CDK14: variants seen among roughly 807,000 people sequenced by gnomAD.
CDK14 encodes cyclin dependent kinase 14, also known as cyclin-dependent kinase 14.
In CDK14, 34 loss-of-function variants were observed where a neutral mutation model predicts 60.7. That is an observed-to-expected ratio of 0.56 (90% CI 0.43 to 0.75). CDK14 has a LOEUF of 0.75. Among genes scored for constraint, CDK14 ranks in the 30% least tolerant of loss-of-function variants. The pLI is 0.00. For synonymous variants in CDK14, 197 were observed against 203.7 expected (o/e 0.97, Z 0.28); for missense variants, 482 against 564.1 (o/e 0.85, Z 1.47).
chr7:90,997,887 T>G (rs1184016436), intron 10 of CDK14, among the ~76,000 whole-genome samples: 1 of 152,216 alleles, frequency 6.6e-6, no homozygotes, highest in Non-Finnish European at 1.5e-5. Flanking sequence ...TGAACTTCTA[T>G]TTTGAAGAAG....
chr7:90,716,663 G>C (rs899619754), intron 2 of CDK14, among the ~76,000 whole-genome samples: 7 of 151,862 alleles, frequency 4.6e-5, no homozygotes, highest in African/African-American at 1.7e-4. Context: ...TTTTATTTCA[G>C]AGCTGAAAAT....
intron 12 of CDK14, among the ~76,000 whole-genome samples, chr7:91,098,190 A>G (rs1799051848): frequency 6.6e-6 from 1 of 152,240 alleles, no homozygotes; most frequent in African/African-American, 2.4e-5. Context: ...GTCATAAGAT[A>G]AAGAAGCTGA....
intron 11 of CDK14, among the ~76,000 whole-genome samples, chr7:91,068,114 C>A (rs981176024): frequency 1.2e-4 from 18 of 152,208 alleles, no homozygotes; most frequent in African/African-American, 4.3e-4. Context: ...GTCAGTTAAT[C>A]CTCAAACCTA....
chr7:91,047,626 G>A (rs1313949684), intron 11 of CDK14, among the ~76,000 whole-genome samples: 2 of 152,196 alleles, frequency 1.3e-5, no homozygotes, highest in South Asian at 2.1e-4. Flanking sequence ...TTAACATTAT[G>A]TGTAAGCCCC....
At chr7:91,126,958 A>G (rs1001920014) in intron 14 of CDK14, among the ~76,000 whole-genome samples, 4 of 152,136 alleles carry the variant, frequency 2.6e-5, no homozygotes, top group African/African-American at 7.2e-5. Context: ...CAAAAAGGCT[A>G]GTTAGCAGGA....
chr7:90,991,659 AAATGCTTTTAGCCCAG>A (rs1795540685), intron 10 of CDK14, among the ~76,000 whole-genome samples: 1 of 152,190 alleles, frequency 6.6e-6, no homozygotes, highest in Non-Finnish European at 1.5e-5. Flanking sequence ...TGTGCCCAGT[AAATGCTTTTAGCCCAG>A]AGGAAAAGAA....
intron 11 of CDK14, among the ~76,000 whole-genome samples, chr7:91,075,543 T>G (rs1562893802): frequency 6.6e-6 from 1 of 152,206 alleles, no homozygotes; most frequent in Non-Finnish European, 1.5e-5. Context: ...AAGCATTCCC[T>G]TTGAAAACCG....
At chr7:90,839,463 G>A (rs1396784670) in intron 5 of CDK14, among the ~76,000 whole-genome samples, 1 of 152,152 alleles carries the variant, frequency 6.6e-6, no homozygotes, top group Non-Finnish European at 1.5e-5. Context: ...GACGAAGGTT[G>A]TATACAGGGA....
intron 9 of CDK14, among the ~76,000 whole-genome samples, chr7:90,982,036 T>C (rs550311299): frequency 6.6e-6 from 1 of 152,310 alleles, no homozygotes; most frequent in South Asian, 2.1e-4. Context: ...GTCCATACTA[T>C]GGATTGGTTA....
intron 5 of CDK14, among the ~76,000 whole-genome samples, chr7:90,810,855 T>G (rs1272534537): frequency 1.3e-5 from 2 of 152,008 alleles, no homozygotes; most frequent in South Asian, 2.1e-4. Context: ...ATGAGTGAAC[T>G]CCCATTCACA....
chr7:90,685,387 T>C (rs1180242825), intron 2 of CDK14, among the ~76,000 whole-genome samples: 1 of 152,172 alleles, frequency 6.6e-6, no homozygotes, highest in East Asian at 1.9e-4. Context: ...TATCATACAG[T>C]TAGTCTTCCA....
At chr7:90,688,665 T>C (rs1371552132) in intron 2 of CDK14, among the ~76,000 whole-genome samples, 1 of 152,116 alleles carries the variant, frequency 6.6e-6, no homozygotes, top group Non-Finnish European at 1.5e-5. Flanking sequence ...ATATTTAAAG[T>C]TTATTATGGT....
intron 7 of CDK14, among the ~76,000 whole-genome samples, chr7:90,905,658 A>C (rs781011571): frequency 6.6e-6 from 1 of 152,118 alleles, no homozygotes; most frequent in Non-Finnish European, 1.5e-5. Context: ...CACTGAGATG[A>C]TGGAGTGTGT....
chr7:90,877,820 A>G (rs1053660294), intron 6 of CDK14, among the ~76,000 whole-genome samples: 1 of 152,126 alleles, frequency 6.6e-6, no homozygotes, highest in African/African-American at 2.4e-5. Flanking sequence ...GGGATCTTTA[A>G]AAAAATCAGA....
chr7:91,138,851 C>T (rs1421961421), intron 14 of CDK14, among the ~76,000 whole-genome samples: 1 of 151,968 alleles, frequency 6.6e-6, no homozygotes, highest in African/African-American at 2.4e-5. Flanking sequence ...GGGCCCTGGG[C>T]GTAAATTGGA....
intron 2 of CDK14, among the ~76,000 whole-genome samples, chr7:90,670,932 A>C (rs1801084034): frequency 6.6e-6 from 1 of 152,196 alleles, no homozygotes; most frequent in Admixed American, 6.5e-5. Context: ...GTCTTAACTC[A>C]TTCCAGCATT....
At chr7:90,720,705 T>C (rs912071914) in intron 2 of CDK14, among the ~76,000 whole-genome samples, 11 of 152,174 alleles carry the variant, frequency 7.2e-5, no homozygotes, top group African/African-American at 2.7e-4. Context: ...AATCTTATTA[T>C]TATTTCTCTA....
intron 10 of CDK14, among the ~76,000 whole-genome samples, chr7:91,010,039 A>G (rs1796104605): frequency 6.6e-6 from 1 of 152,086 alleles, no homozygotes; most frequent in Non-Finnish European, 1.5e-5. Flanking sequence ...CCATTTGTGG[A>G]AAAGACTATC....
intron 2 of CDK14, among the ~76,000 whole-genome samples, chr7:90,661,431 T>C (rs983076209): frequency 6.6e-6 from 1 of 152,208 alleles, no homozygotes; most frequent in South Asian, 2.1e-4. Context: ...CCGAATTGTT[T>C]GTTAGTTATG....
Sources: gnomAD v4.1 joint callset for allele counts (sites outside exome capture counted in the v4.1 genomes callset) on GRCh38, gnomAD v4.1.1 for gene constraint, MANE v1.5 for transcripts, NCBI Gene and HGNC (gene_info 2026-07-23, HGNC 2026-07-21) for gene names.